ALMS1: variants seen among roughly 807,000 people sequenced by gnomAD.
ALMS1 encodes centrosome-associated protein ALMS1.
A neutral mutation model predicts 352.2 loss-of-function variants in ALMS1; 271 were observed. The ratio of observed to expected loss-of-function variants is 0.77; its 90% confidence interval spans 0.70 to 0.85. ALMS1 has a LOEUF of 0.85. Ranked by LOEUF, ALMS1 falls within the 40% of genes least tolerant of loss-of-function variation. ALMS1 has a pLI of 0.00. For missense variants in ALMS1, 5,445 were observed against 4,870.7 expected, an observed-to-expected ratio of 1.12 and a Z score of -3.51; for synonymous variants, 1,865 against 1,761.2, an observed-to-expected ratio of 1.06 and a Z score of -1.48.
intron 13 of ALMS1, among the ~76,000 whole-genome samples, chr2:73,551,741 T>C (rs2104040383): frequency 6.6e-6 from 1 of 152,254 alleles, no homozygotes; most frequent in Non-Finnish European, 1.5e-5. Flanking sequence ...TGGCCCCCAC[T>C]GTTTTATAAA....
chr2:73,549,394 G>A (rs570512451), intron 12 of ALMS1, among the ~76,000 whole-genome samples: 10 of 152,078 alleles, frequency 6.6e-5, no homozygotes, highest in Admixed American at 6.6e-5. Context: ...AAAATCTTCC[G>A]TTATGTTGCA....
At chr2:73,464,834 C>T (rs1672294140) in intron 9 of ALMS1, among the ~76,000 whole-genome samples, 1 of 152,162 alleles carries the variant, frequency 6.6e-6, no homozygotes, top group Non-Finnish European at 1.5e-5. Flanking sequence ...CATGAGTGAA[C>T]TCCCATTCAC....
intron 19 of ALMS1, 146 bp downstream of exon 19, chr2:73,601,582 C>T: frequency 7.6e-7 from 1 of 1,317,802 alleles, no homozygotes; most frequent in Non-Finnish European, 1.1e-6. Flanking sequence ...TGTTTTCACG[C>T]ACGAGGGTTG....
intron 10 of ALMS1, among the ~76,000 whole-genome samples, chr2:73,515,584 A>G (rs907051096): frequency 6.6e-6 from 1 of 152,196 alleles, no homozygotes; most frequent in Non-Finnish European, 1.5e-5. Context: ...AACGAAAATT[A>G]GAGCTGAACT....
intron 9 of ALMS1, among the ~76,000 whole-genome samples, chr2:73,479,419 C>A (rs1048401123): frequency 5.3e-5 from 8 of 152,090 alleles, no homozygotes; most frequent in Admixed American, 5.2e-4. Context: ...CTAATTTGTT[C>A]CTTTGTTTCT....
At chr2:73,485,743 C>A (rs184747754) in intron 9 of ALMS1, among the ~76,000 whole-genome samples, 1 of 152,104 alleles carries the variant, frequency 6.6e-6, no homozygotes, top group African/African-American at 2.4e-5. Flanking sequence ...GGGCCTAGGA[C>A]GCTCGGAGCC....
chr2:73,501,159 C>T (rs946299758), intron 10 of ALMS1, among the ~76,000 whole-genome samples: 6 of 152,058 alleles, frequency 3.9e-5, no homozygotes, highest in Admixed American at 3.3e-4. Context: ...TATCTGTTCA[C>T]TTTTATCCAT....
At chr2:73,495,833 G>A (rs1415490733) in intron 10 of ALMS1, among the ~76,000 whole-genome samples, 1 of 152,014 alleles carries the variant, frequency 6.6e-6, no homozygotes, top group African/African-American at 2.4e-5. Flanking sequence ...CTCTAATAGC[G>A]ATAAAACTGG....
chr2:73,480,223 C>G (rs1572960493), intron 9 of ALMS1, among the ~76,000 whole-genome samples: 1 of 151,982 alleles, frequency 6.6e-6, no homozygotes, highest in East Asian at 1.9e-4. Context: ...CTATCCGTCC[C>G]CACTCCCCCC....
At chr2:73,462,001 G>A (rs926398040) in intron 9 of ALMS1, among the ~76,000 whole-genome samples, 1 of 151,794 alleles carries the variant, frequency 6.6e-6, no homozygotes, top group African/African-American at 2.4e-5. Context: ...AAAGTGACAG[G>A]GAGAATGGAA....
intron 10 of ALMS1, among the ~76,000 whole-genome samples, chr2:73,501,489 G>T (rs1312797860): frequency 6.6e-6 from 1 of 152,012 alleles, no homozygotes; most frequent in East Asian, 1.9e-4. Context: ...CTCCTTTGTG[G>T]TGTAAGTTAT....
rs1306527870 is a variant in ALMS1 at position 73,521,433 on chromosome 2, C to T, written c.9781+1417C>T. 1.3e-5 allele frequency among the ~76,000 whole-genome samples: 2 copies of T among 151,900 alleles called. 1 individual carries two copies. Among genetic ancestry groups the T allele is most frequent in the Admixed American group, 1.3e-4 (2 of 15,262 alleles). On this transcript the variant is annotated intron_variant, in intron 11 of 22. Transcript: ENST00000613296. ...TGTTCTCATGGTGGTGGCAGAAACA[C>T]AAGAGAGGAAACAGCTATAAAAGCA...
chr2:73,606,636 C>G (rs1415996803), intron 21 of ALMS1, among the ~76,000 whole-genome samples: 2 of 152,054 alleles, frequency 1.3e-5, no homozygotes, highest in Non-Finnish European at 2.9e-5. Context: ...CTTGTGTGGC[C>G]TCTTTTCAAG....
intron 16 of ALMS1, among the ~76,000 whole-genome samples, chr2:73,580,667 A>G (rs1390506184): frequency 6.6e-6 from 1 of 152,082 alleles, no homozygotes; most frequent in Non-Finnish European, 1.5e-5. Flanking sequence ...TGACATTTTG[A>G]ATATTATGAT....
At chr2:73,498,059 T>C (rs985482530) in intron 10 of ALMS1, among the ~76,000 whole-genome samples, 1 of 152,188 alleles carries the variant, frequency 6.6e-6, no homozygotes, top group Admixed American at 6.5e-5. Context: ...CACTATACTG[T>C]ACTCTATTAA....
At chr2:73,457,533 C>T (rs1322316415) in intron 9 of ALMS1, among the ~76,000 whole-genome samples, 6 of 152,036 alleles carry the variant, frequency 3.9e-5, no homozygotes, top group Admixed American at 1.3e-4. Context: ...CATTACGCCT[C>T]GCCCTATGTA....
chr2:73,477,348 C>G (rs11686541), intron 9 of ALMS1, among the ~76,000 whole-genome samples: 20,327 of 152,056 alleles, frequency 0.13, 1,554 homozygotes, highest in Admixed American at 0.18. Context: ...ATCTACATGA[C>G]TGTCCTTATG....
chr2:73,500,063 G>A (rs1245290021), intron 10 of ALMS1, among the ~76,000 whole-genome samples: 2 of 152,166 alleles, frequency 1.3e-5, no homozygotes, highest in African/African-American at 4.8e-5. Flanking sequence ...TTCCTTAATA[G>A]CAGTGCAAAC....
chr2:73,447,944 A>G lies in ALMS1; in HGVS notation c.1433-16A>G. ...AGAAAATTTTATATACTATTAACAA[A>G]TCTCTTTTTCTTTAGGAGACACTTC... is the stretch of plus-strand genomic sequence containing the variant. On this transcript the variant is annotated splice_polypyrimidine_tract_variant and intron_variant, in intron 7 of 22. Transcript: ENST00000613296. 6.3e-7 allele frequency: 1 copy of G among 1,595,580 alleles called. No homozygotes were observed.
Sources: allele counts gnomAD v4.1 joint callset (sites outside exome capture counted in the v4.1 genomes callset), GRCh38; gene constraint gnomAD v4.1.1; transcripts MANE v1.5; gene names NCBI Gene and HGNC (gene_info 2026-07-23, HGNC 2026-07-21).